The following CSNK1G1 variants were observed in gnomAD, a reference collection of about 807,000 sequenced individuals.
CSNK1G1 encodes casein kinase 1 gamma 1.
Under a neutral mutation model 59.6 loss-of-function variants are expected in CSNK1G1, and 22 were observed. The ratio of observed to expected loss-of-function variants is 0.37; its 90% CI spans 0.26 to 0.53. The LOEUF (loss-of-function observed/expected upper bound fraction) is 0.53. Ranked by LOEUF, CSNK1G1 falls within the 20% of genes least tolerant of loss-of-function variation. CSNK1G1 has a pLI of 0.89. For missense variants in CSNK1G1, 384 were observed against 519.5 expected, an observed-to-expected ratio of 0.74 and a Z score of 2.54; for synonymous variants, 179 against 177.1, an observed-to-expected ratio of 1.01 and a Z score of -0.08.
At position 64,178,062 on chromosome 15, in the gene CSNK1G1, G is replaced by A. The variant is rs554385918; in HGVS notation, c.1214+2286C>T. ...TGAACTTTTAAAATTCCTGATGCTC[G>A]GGCCACATTTCAATAAATTAAATCA... On this transcript the variant is annotated intron_variant, in intron 11 of 11. Transcript: ENST00000303052. 3.5e-4 allele frequency among the ~76,000 whole-genome samples: 54 copies of A among 152,176 alleles called. 3 individuals carry two copies. The South Asian group carries it at 9.7e-3, about 27-fold the overall frequency.
At chr15:64,338,390 C>T (rs1897498573) in intron 1 of CSNK1G1, among the ~76,000 whole-genome samples, 3 of 152,060 alleles carry the variant, frequency 2.0e-5, no homozygotes, top group Non-Finnish European at 2.9e-5. Flanking sequence ...CATGGGACAT[C>T]TAACAACTTG....
At chr15:64,351,709 T>C (rs1227035492) in intron 1 of CSNK1G1, among the ~76,000 whole-genome samples, 2 of 152,008 alleles carry the variant, frequency 1.3e-5, no homozygotes, top group South Asian at 2.1e-4. Flanking sequence ...CAAAACCCCA[T>C]GTCCACTAAA....
At chr15:64,217,675 GC>G (rs771555733) in intron 4 of CSNK1G1, among the ~76,000 whole-genome samples, 25 of 152,004 alleles carry the variant, frequency 1.6e-4, no homozygotes, top group Non-Finnish European at 3.5e-4. Flanking sequence ...AATTAGCTGG[GC>G]ATGGTGGCAC....
chr15:64,299,939 C>T (rs1895236352), intron 2 of CSNK1G1, among the ~76,000 whole-genome samples: 1 of 152,084 alleles, frequency 6.6e-6, no homozygotes, highest in Non-Finnish European at 1.5e-5. Flanking sequence ...TAAACCAAGG[C>T]CTTATGTCCT....
chr15:64,217,506 T>C (rs987811293), intron 4 of CSNK1G1, among the ~76,000 whole-genome samples: 1 of 152,060 alleles, frequency 6.6e-6, no homozygotes, highest in Non-Finnish European at 1.5e-5. Flanking sequence ...ACTGGTACCA[T>C]GAGAATAGTA....
intron 2 of CSNK1G1, among the ~76,000 whole-genome samples, chr15:64,275,320 C>T (rs950220529): frequency 1.3e-5 from 2 of 152,124 alleles, no homozygotes; most frequent in African/African-American, 4.8e-5. Flanking sequence ...AGGCATGAGC[C>T]ATCTTGCCCG....
Position 64,188,571 on chromosome 15 carries a change from T to C in CSNK1G1, c.1108-8117A>G, listed in dbSNP as rs772401241. On this transcript the variant is annotated intron_variant, in intron 10 of 11. Coordinates refer to ENST00000303052, the MANE Select transcript of CSNK1G1 (RefSeq NM_022048.5). This position sits in a 1 kb window ranked among gnomAD's most constrained non-coding sequence, Gnocchi z 4.2. ...GCAATAACAAAATCAAGTACATTCGTGTCCCTGTAGGTTTTTCTTTCGGTT... is the reference window on the plus strand; with the variant it reads ...GCAATAACAAAATCAAGTACATTCGCGTCCCTGTAGGTTTTTCTTTCGGTT... 4.2e-5 allele frequency: 41 copies of C among 982,784 alleles called. No individual in the cohort carries two copies. Among genetic ancestry groups the C allele is most frequent in the Non-Finnish European group, 6.1e-5 (40 of 655,664 alleles). 60.9% of individuals were successfully genotyped at this position (982,784 alleles called of 1,614,324 possible). A position where few individuals can be genotyped will look rare whatever the true frequency, so the allele number is the denominator to read the frequency against.
chr15:64,339,650 C>T (rs1897587253), intron 1 of CSNK1G1, among the ~76,000 whole-genome samples: 1 of 152,144 alleles, frequency 6.6e-6, no homozygotes, highest in Non-Finnish European at 1.5e-5. Context: ...CCAATACATG[C>T]TAACATTTTA....
intron 4 of CSNK1G1, among the ~76,000 whole-genome samples, chr15:64,243,442 T>G (rs1481038391): frequency 6.6e-6 from 1 of 151,938 alleles, no homozygotes; most frequent in East Asian, 1.9e-4. Context: ...ACAGCTAACA[T>G]CATTTTAAAC....
chr15:64,304,643 T>C (rs931231007), intron 1 of CSNK1G1, among the ~76,000 whole-genome samples: 1 of 152,206 alleles, frequency 6.6e-6, no homozygotes, highest in Non-Finnish European at 1.5e-5. Context: ...TAAGTCATAT[T>C]ATAAAAGCAT....
chr15:64,233,427 A>C (rs1430185975), intron 4 of CSNK1G1, among the ~76,000 whole-genome samples: 1 of 152,128 alleles, frequency 6.6e-6, no homozygotes, highest in Non-Finnish European at 1.5e-5. Context: ...AATGTAATTA[A>C]AGGCAATTAC....
intron 10 of CSNK1G1, among the ~76,000 whole-genome samples, chr15:64,201,493 C>T (rs1020441957): frequency 7.9e-5 from 12 of 152,076 alleles, no homozygotes; most frequent in Non-Finnish European, 8.8e-5. Flanking sequence ...TCTTAAACAA[C>T]GACTTTAAAG....
intron 6 of CSNK1G1, among the ~76,000 whole-genome samples, chr15:64,209,220 A>G (rs2082220789): frequency 6.6e-6 from 1 of 152,138 alleles, no homozygotes; most frequent in African/African-American, 2.4e-5. Flanking sequence ...TTTATTTTTC[A>G]GAATCAAGTT....
intron 1 of CSNK1G1, among the ~76,000 whole-genome samples, chr15:64,305,425 A>G (rs1895628243): frequency 6.6e-6 from 1 of 152,108 alleles, no homozygotes; most frequent in Non-Finnish European, 1.5e-5. Flanking sequence ...AAAACAAAAC[A>G]AAACAAAAGG....
At chr15:64,236,355 G>A (rs990209796) in intron 4 of CSNK1G1, among the ~76,000 whole-genome samples, 24 of 152,140 alleles carry the variant, frequency 1.6e-4, no homozygotes, top group African/African-American at 3.4e-4. Flanking sequence ...AACAGGGAGA[G>A]GAGATAACCT....
At chr15:64,300,217 A>G in intron 2 of CSNK1G1, 102 bp downstream of exon 2, 1 of 1,156,602 alleles carries the variant, frequency 8.6e-7, no homozygotes. Context: ...TCTCCTTAAG[A>G]AAAATTTCTT....
At chr15:64,218,512 C>T (rs939051047) in intron 4 of CSNK1G1, among the ~76,000 whole-genome samples, 5 of 151,886 alleles carry the variant, frequency 3.3e-5, no homozygotes, top group Admixed American at 1.3e-4. Flanking sequence ...TGCGCCTCAG[C>T]CTCCCAAGTA....
rs1049988540 is a variant in CSNK1G1 at position 64,200,310 on chromosome 15, C to T, written c.1107+2772G>A. 1.3e-5 allele frequency among the ~76,000 whole-genome samples: 2 copies of T among 151,798 alleles called. No individual in the cohort carries two copies. The highest frequency in any genetic ancestry group is 2.9e-5 in the Non-Finnish European group (2 of 67,960). On this transcript the variant is annotated intron_variant, in intron 10 of 11. Coordinates refer to ENST00000303052, the MANE Select transcript of CSNK1G1 (RefSeq NM_022048.5). This position sits in a 1 kb window ranked among gnomAD's most constrained non-coding sequence, Gnocchi z 4.3. Reference sequence around the variant, plus strand: ...TACTTATCTATTTTTTCTTTACATACATTTTCTACTTAAATGCATTTTTGT... The same window carrying T: ...TACTTATCTATTTTTTCTTTACATATATTTTCTACTTAAATGCATTTTTGT...
intron 1 of CSNK1G1, among the ~76,000 whole-genome samples, chr15:64,355,734 G>A (rs1596313112): frequency 6.6e-6 from 1 of 152,266 alleles, no homozygotes; most frequent in Admixed American, 6.5e-5. Flanking sequence ...ACCGGCTAGA[G>A]TCAGTTTCTC....
Sources: gnomAD v4.1 joint callset for allele counts (sites outside exome capture counted in the v4.1 genomes callset) on GRCh38, gnomAD v4.1.1 for gene constraint, Gnocchi (gnomAD v3.1) non-coding constraint, MANE v1.5 for transcripts, NCBI Gene and HGNC (gene_info 2026-07-23, HGNC 2026-07-21) for gene names.